The following OSTN variants were observed in gnomAD, a reference collection of about 807,000 sequenced individuals.
OSTN encodes the protein osteocrin.
Under a neutral mutation model 12.0 loss-of-function variants are expected in OSTN, and 9 were observed. The observed-to-expected ratio is 0.75, with a 90% CI of 0.45 to 1.30. The LOEUF (loss-of-function observed/expected upper bound fraction) is 1.30, where lower values mean the gene tolerates loss of function less well. Among genes scored for constraint, OSTN ranks in the 50% most tolerant of loss-of-function variants. OSTN has a pLI of 0.00. For synonymous variants in OSTN, 59 were observed against 56.9 expected (o/e 1.04, Z -0.16); for missense variants, 148 against 152.3 (o/e 0.97, Z 0.15).
chr3:191,205,795 C>T (rs934177270), intron 1 of OSTN, among the ~76,000 whole-genome samples: 1 of 152,094 alleles, frequency 6.6e-6, no homozygotes, highest in Non-Finnish European at 1.5e-5. Context: ...TCTATGGCAT[C>T]TGGAACCTCA....
chr3:191,245,768 C>T (rs1048878983), intron 3 of OSTN, among the ~76,000 whole-genome samples: 4 of 151,986 alleles, frequency 2.6e-5, no homozygotes, highest in South Asian at 2.1e-4. Context: ...ATACGTATCT[C>T]GAAAAGAGTA....
chr3:191,230,686 T>A (rs1273891039), intron 3 of OSTN, among the ~76,000 whole-genome samples: 2 of 150,896 alleles, frequency 1.3e-5, no homozygotes, highest in Admixed American at 1.3e-4. Context: ...AGAGTTGGGG[T>A]CACAAAGGAA....
chr3:191,248,669 AG>A (rs1715491531), intron 3 of OSTN, among the ~76,000 whole-genome samples: 1 of 152,226 alleles, frequency 6.6e-6, no homozygotes, highest in East Asian at 1.9e-4. Context: ...GAAGCAGGCC[AG>A]GCATGGTGGC....
chr3:191,209,856 A>G (rs1280548668), intron 1 of OSTN, among the ~76,000 whole-genome samples: 1 of 152,166 alleles, frequency 6.6e-6, no homozygotes, highest in Non-Finnish European at 1.5e-5. Context: ...CTCTTTGAAG[A>G]CATCCTAGGC....
At chr3:191,242,856 A>G (rs948920966) in intron 3 of OSTN, among the ~76,000 whole-genome samples, 1 of 152,210 alleles carries the variant, frequency 6.6e-6, no homozygotes, top group African/African-American at 2.4e-5. Context: ...TTTTTTAAAA[A>G]ATCACAATAA....
At chr3:191,238,660 TTC>T (rs1715255665) in intron 3 of OSTN, among the ~76,000 whole-genome samples, 1 of 152,246 alleles carries the variant, frequency 6.6e-6, no homozygotes, top group African/African-American at 2.4e-5. Context: ...AGATTCCATG[TTC>T]TTTCACAAGA....
intron 4 of OSTN, among the ~76,000 whole-genome samples, chr3:191,261,123 G>A (rs571004047): frequency 3.3e-4 from 51 of 152,278 alleles, no homozygotes; most frequent in African/African-American, 1.1e-3. Flanking sequence ...TTCCAGCGGG[G>A]TGAAATTTTA....
intron 1 of OSTN, among the ~76,000 whole-genome samples, chr3:191,209,516 T>G (rs1019207580): frequency 6.6e-5 from 10 of 152,256 alleles, no homozygotes; most frequent in African/African-American, 2.4e-4. Context: ...ATGGAGAAGC[T>G]TCTAGTAACT....
intron 4 of OSTN, among the ~76,000 whole-genome samples, chr3:191,258,448 A>G (rs1034659717): frequency 6.6e-6 from 1 of 152,130 alleles, no homozygotes; most frequent in Non-Finnish European, 1.5e-5. Context: ...CAATGAGAAC[A>G]CATGGACACA....
intron 3 of OSTN, among the ~76,000 whole-genome samples, chr3:191,247,485 C>G (rs1220177327): frequency 6.6e-6 from 1 of 151,660 alleles, no homozygotes; most frequent in African/African-American, 2.4e-5. Flanking sequence ...AAATTTTTAT[C>G]TAGGAGAAAA....
At chr3:191,201,699 C>T (rs573175522) in intron 1 of OSTN, among the ~76,000 whole-genome samples, 8 of 152,018 alleles carry the variant, frequency 5.3e-5, no homozygotes, top group Admixed American at 3.9e-4. Flanking sequence ...ATTTTCTTCC[C>T]CCATTCAATA....
At chr3:191,254,126 T>C (rs1576940052) in intron 4 of OSTN, among the ~76,000 whole-genome samples, 1 of 152,210 alleles carries the variant, frequency 6.6e-6, no homozygotes. Context: ...TTCCAGAAGG[T>C]GGCATGGGAG....
intron 3 of OSTN, among the ~76,000 whole-genome samples, chr3:191,230,101 T>TAAAG (rs1284133237): frequency 6.6e-6 from 1 of 151,584 alleles, no homozygotes; most frequent in African/African-American, 2.4e-5. Context: ...AATAAATAAA[T>TAAAG]AACTTAGGAT....
chr3:191,218,821 A>G lies in OSTN; in HGVS notation c.177A>G (p.Thr59=). The change falls in exon 3 of 5, where the codon ACA becomes ACG. Residue 59 remains threonine (T), a synonymous_variant. Coordinates refer to ENST00000682035, the MANE Select transcript of OSTN (RefSeq NM_198184.2). ...VREEKSATDL[T]AKLLLLDELV... ...AAGAGAAATCAGCCACTGACCTGAC[A>G]GCAAAACTCTTGCTTCTTGATGAAT... The G allele has an allele frequency of 6.2e-7, 1 of 1,614,172 alleles. No homozygotes were observed. The highest frequency in any genetic ancestry group is 1.3e-5 in the African/African-American group (1 of 75,054).
intron 4 of OSTN, among the ~76,000 whole-genome samples, chr3:191,257,900 A>C (rs1715706521): frequency 6.6e-6 from 1 of 152,232 alleles, no homozygotes. Context: ...AGCTATAAAT[A>C]CATATATACA....
At chr3:191,262,750 T>G in intron 4 of OSTN, 116 bp from the exon 5 acceptor site, 1 of 618,632 alleles carries the variant, frequency 1.6e-6, no homozygotes, top group Non-Finnish European at 3.0e-6. Flanking sequence ...AAATAAAGGC[T>G]ATAATGAAAC....
chr3:191,204,983 T>C (rs1490444033), intron 1 of OSTN, among the ~76,000 whole-genome samples: 1 of 152,202 alleles, frequency 6.6e-6, no homozygotes. Flanking sequence ...GTTTACAAAG[T>C]GTTTCTACAT....
At chr3:191,254,682 C>A (rs1041490716) in intron 4 of OSTN, among the ~76,000 whole-genome samples, 1 of 152,224 alleles carries the variant, frequency 6.6e-6, no homozygotes, top group Non-Finnish European at 1.5e-5. Context: ...TTCCCCATTT[C>A]TACCAAAGAT....
chr3:191,211,359 A>G lies in OSTN; in HGVS notation c.1-1174A>G, dbSNP rs190874240. ...ATATGTATTTAAGTCATTTACTTTA[A>G]ATCAGTAGTCTGAAAAAATCTCAAT... is the stretch of plus-strand genomic sequence containing the variant. On this transcript the variant is annotated intron_variant, in intron 1 of 4. Coordinates refer to ENST00000682035, the MANE Select transcript of OSTN (RefSeq NM_198184.2). 1.9e-3 allele frequency among the ~76,000 whole-genome samples: 292 copies of G among 152,334 alleles called. 1 individual carries two copies. Among genetic ancestry groups the G allele is most frequent in the African/African-American group, 6.5e-3 (272 of 41,578 alleles).
Sources: gnomAD v4.1 joint callset for allele counts (sites outside exome capture counted in the v4.1 genomes callset) on GRCh38, gnomAD v4.1.1 for gene constraint, MANE v1.5 for transcripts, NCBI Gene and HGNC (gene_info 2026-07-23, HGNC 2026-07-21) for gene names.